Variants in SPHKAP observed in about 807,000 individuals in gnomAD.
SPHKAP encodes the protein A-kinase anchor protein SPHKAP.
In SPHKAP, 67 loss-of-function variants were observed where a neutral mutation model predicts 137.5. The observed-to-expected ratio is 0.49, with a 90% CI of 0.40 to 0.60. SPHKAP has a LOEUF of 0.60. Among genes scored for constraint, SPHKAP ranks in the 20% least tolerant of loss-of-function variants. The pLI, the probability that SPHKAP is intolerant of heterozygous loss-of-function variation, is 0.00. For missense variants in SPHKAP, 2,097 were observed against 2,069.3 expected (o/e 1.01, Z -0.26); for synonymous variants, 813 against 785.3 (o/e 1.04, Z -0.59).
intron 3 of SPHKAP, among the ~76,000 whole-genome samples, chr2:228,036,201 C>A (rs1318910118): frequency 2.0e-5 from 3 of 150,952 alleles, no homozygotes; most frequent in Non-Finnish European, 4.4e-5. Flanking sequence ...AAACAAACAA[C>A]CCCATCAAAA....
chr2:228,181,480 C>A lies in SPHKAP; in HGVS notation c.32+87G>T. The stretch of plus-strand genomic sequence containing the variant: ...GCTGGGAGCCCCGTGCAAACCGAAG[C>A]GCTCTGGGGCAAGTTGGTGAGCGAC... On this transcript the variant is annotated intron_variant, in intron 1 of 11. Coordinates refer to ENST00000392056, the MANE Select transcript of SPHKAP (RefSeq NM_001142644.2). This position sits in a 1 kb window ranked among gnomAD's most constrained non-coding sequence, Gnocchi z 4.3. 1 of 1,590,928 alleles carries A rather than the reference C, an allele frequency of 6.3e-7. No homozygotes were observed. Among genetic ancestry groups the A allele is most frequent in the Non-Finnish European group, 8.6e-7 (1 of 1,159,206 alleles).
chr2:228,154,534 T>TATATA (rs1700046803), intron 1 of SPHKAP, among the ~76,000 whole-genome samples: 9 of 9,412 alleles, frequency 9.6e-4, no homozygotes, highest in East Asian at 5.4e-3. Context: ...ATATATATAT[T>TATATA]TTTTTTTTTT....
chr2:228,044,565 G>T (rs1343305136), intron 3 of SPHKAP, among the ~76,000 whole-genome samples: 1 of 152,104 alleles, frequency 6.6e-6, no homozygotes, highest in Non-Finnish European at 1.5e-5. Flanking sequence ...GCCAAGTGTT[G>T]AGAGGTAACT....
At chr2:228,121,827 C>T (rs1464203363) in intron 2 of SPHKAP, among the ~76,000 whole-genome samples, 3 of 152,074 alleles carry the variant, frequency 2.0e-5, no homozygotes, top group Non-Finnish European at 4.4e-5. Context: ...TTTATCTGAG[C>T]CATGTTATTC....
chr2:228,176,999 C>T (rs929135185), intron 1 of SPHKAP, among the ~76,000 whole-genome samples: 1 of 143,756 alleles, frequency 7.0e-6, no homozygotes, highest in African/African-American at 2.4e-5. Flanking sequence ...CAAGAAAAAA[C>T]TCAGTTCAAA....
At chr2:227,982,997 A>G (rs1693056731) in intron 11 of SPHKAP, among the ~76,000 whole-genome samples, 1 of 152,216 alleles carries the variant, frequency 6.6e-6, no homozygotes, top group Non-Finnish European at 1.5e-5. Context: ...GGGAGAAAAA[A>G]TAGGCTGGAA....
At chr2:228,171,454 C>CT (rs1356557652) in intron 1 of SPHKAP, among the ~76,000 whole-genome samples, 1 of 152,026 alleles carries the variant, frequency 6.6e-6, no homozygotes. Flanking sequence ...CCAAGTTTGC[C>CT]TTTTTATAAG....
chr2:228,115,593 C>T (rs1419084731), intron 2 of SPHKAP, among the ~76,000 whole-genome samples: 2 of 152,116 alleles, frequency 1.3e-5, no homozygotes, highest in African/African-American at 2.4e-5. Context: ...TTTTTTAGTG[C>T]ATACCATGGA....
chr2:228,096,901 A>C (rs1051039211), intron 3 of SPHKAP, among the ~76,000 whole-genome samples: 3 of 152,180 alleles, frequency 2.0e-5, no homozygotes, highest in African/African-American at 7.2e-5. Context: ...ACTAAAAAAA[A>C]CATACATCCT....
Position 228,018,378 on chromosome 2 carries a change from C to A in SPHKAP, c.2476G>T (p.Ala826Ser). Residue 826 changes from alanine to serine, a missense_variant, in exon 7 of 12, where the codon GCT becomes TCT. Physicochemically the swap from Ala to Ser is moderately conservative, Grantham distance 99. Coordinates refer to ENST00000392056, the MANE Select transcript of SPHKAP (RefSeq NM_001142644.2). Reference sequence around the variant, plus strand: ...TATATTTCCTTGGAGGATGTTGTAGCAGTTGAAGAATCGGGCACTCTGTGA... The same window carrying A: ...TATATTTCCTTGGAGGATGTTGTAGAAGTTGAAGAATCGGGCACTCTGTGA... ...RSHRVPDSST[A>S]TTSSKEIYLK... is the part of the protein sequence containing the mutation. The A allele has an allele frequency of 6.2e-7, 1 of 1,614,116 alleles. No individual in the cohort carries two copies.
At chr2:228,115,676 TG>T (rs1346074055) in intron 2 of SPHKAP, among the ~76,000 whole-genome samples, 1 of 152,116 alleles carries the variant, frequency 6.6e-6, no homozygotes, top group Non-Finnish European at 1.5e-5. Flanking sequence ...ATATCTGGCA[TG>T]GGGGCCAAAC....
intron 8 of SPHKAP, chr2:227,993,914 G>T: frequency 2.8e-6 from 1 of 353,884 alleles, no homozygotes; most frequent in Non-Finnish European, 4.0e-6. Flanking sequence ...ACACCTAGGG[G>T]GTAACAATCA....
At chr2:228,015,181 T>A (rs1433197640) in intron 7 of SPHKAP, among the ~76,000 whole-genome samples, 2 of 151,708 alleles carry the variant, frequency 1.3e-5, no homozygotes, top group African/African-American at 4.9e-5. Flanking sequence ...TTTGGTTTTT[T>A]GTCCTTGCGA....
At position 228,016,646 on chromosome 2, in the gene SPHKAP, T is replaced by C; in HGVS notation, c.4208A>G (p.Lys1403Arg). 3.7e-6 allele frequency: 6 copies of C among 1,613,724 alleles called. No homozygotes were observed. The highest frequency in any genetic ancestry group is 5.1e-6 in the Non-Finnish European group (6 of 1,179,932). The change falls in exon 7 of 12, where the codon AAA becomes AGA. Residue 1403 changes from lysine (K) to arginine (R), a missense_variant. By Grantham distance (26) the Lys-to-Arg change is conservative. Coordinates refer to ENST00000392056, the MANE Select transcript of SPHKAP (RefSeq NM_001142644.2). Reference sequence around the variant, plus strand: ...AGGGTCCTGGCACGAGGAAGTTTCTTTTTTAGAATCTAAAGGGCTGTGGTT... The same window carrying C: ...AGGGTCCTGGCACGAGGAAGTTTCTCTTTTAGAATCTAAAGGGCTGTGGTT... ...LTNHSPLDSK[K>R]ETSSCQDPVP...
intron 7 of SPHKAP, among the ~76,000 whole-genome samples, chr2:228,010,692 T>C (rs770387237): frequency 2.6e-5 from 4 of 152,216 alleles, no homozygotes; most frequent in African/African-American, 4.8e-5. Flanking sequence ...TTTTTCTATC[T>C]AGTGGTTTTT....
At chr2:228,166,087 G>A (rs923135623) in intron 1 of SPHKAP, among the ~76,000 whole-genome samples, 9 of 152,152 alleles carry the variant, frequency 5.9e-5, no homozygotes, top group African/African-American at 2.2e-4. Context: ...CGAGGACTAT[G>A]ACATGATAGG....
At chr2:228,009,675 A>T (rs547763169) in intron 7 of SPHKAP, among the ~76,000 whole-genome samples, 1 of 152,310 alleles carries the variant, frequency 6.6e-6, no homozygotes, top group East Asian at 1.9e-4. Flanking sequence ...TCTTTAAACA[A>T]TGTTGAACTT....
At chr2:228,031,437 G>T (rs1182374027) in intron 3 of SPHKAP, among the ~76,000 whole-genome samples, 1 of 152,224 alleles carries the variant, frequency 6.6e-6, no homozygotes, top group Non-Finnish European at 1.5e-5. Flanking sequence ...TCCACCTCTG[G>T]GGGCAGGGCA....
At chr2:228,146,440 G>A (rs567846452) in intron 1 of SPHKAP, among the ~76,000 whole-genome samples, 67 of 152,100 alleles carry the variant, frequency 4.4e-4, no homozygotes, top group African/African-American at 1.6e-3. Flanking sequence ...TTTATTTTAG[G>A]TTTGGGGTTG....
Sources: gnomAD v4.1 joint callset for allele counts (sites outside exome capture counted in the v4.1 genomes callset) on GRCh38, gnomAD v4.1.1 for gene constraint, Gnocchi (gnomAD v3.1) non-coding constraint, MANE v1.5 for transcripts, NCBI Gene and HGNC (gene_info 2026-07-23, HGNC 2026-07-21) for gene names.